Variants in TBPL1 observed in about 807,000 individuals in gnomAD.
The protein encoded by TBPL1 is TATA box-binding protein-like 1.
A neutral mutation model predicts 22.1 loss-of-function variants in TBPL1; 4 were observed. The observed-to-expected ratio is 0.18, with a 90% CI of 0.09 to 0.41. The LOEUF is 0.41. Among genes scored for constraint, TBPL1 ranks in the 10% least tolerant of loss-of-function variants. TBPL1 has a pLI of 1.00. For synonymous variants in TBPL1, 64 were observed against 71.0 expected (o/e 0.90, Z 0.50); for missense variants, 115 against 222.3 (o/e 0.52, Z 3.07).
At chr6:133,976,771 G>A (rs569030542) in intron 1 of TBPL1, among the ~76,000 whole-genome samples, 2 of 152,100 alleles carry the variant, frequency 1.3e-5, no homozygotes, top group Non-Finnish European at 2.9e-5. Context: ...AGTGGCTCAC[G>A]AAGTCAAGAG....
At chr6:133,969,177 T>A (rs977977142) in intron 1 of TBPL1, among the ~76,000 whole-genome samples, 1 of 151,904 alleles carries the variant, frequency 6.6e-6, no homozygotes, top group Admixed American at 6.6e-5. Flanking sequence ...AGAAAATCAG[T>A]ATCATTTAAA....
At chr6:133,963,759 G>A (rs569080268) in intron 1 of TBPL1, among the ~76,000 whole-genome samples, 9 of 151,864 alleles carry the variant, frequency 5.9e-5, no homozygotes, top group South Asian at 2.1e-4. Flanking sequence ...GGCCTGGCGC[G>A]GTGGCTCACG....
At chr6:133,960,302 C>G (rs779021498) in intron 1 of TBPL1, among the ~76,000 whole-genome samples, 5 of 152,126 alleles carry the variant, frequency 3.3e-5, no homozygotes, top group Non-Finnish European at 7.4e-5. Context: ...TTCTTTTGTA[C>G]TGAGGGGGGA....
At position 133,987,850 on chromosome 6, in the gene TBPL1, G is replaced by T. The variant is rs544713083; in HGVS notation, c.*810G>T. ...TATGATAGAAAATGTTAAATAACTT[G>T]TAAAGGTTAAGAAATTGTAGTTTTA... On this transcript the variant is annotated 3_prime_UTR_variant, in exon 7 of 7. Coordinates refer to ENST00000237264, the MANE Select transcript of TBPL1 (RefSeq NM_004865.4). The T allele has an allele frequency of 1.1e-4, 17 of 152,512 alleles. No individual in the cohort carries two copies. Among genetic ancestry groups the T allele is most frequent in the African/African-American group, 4.1e-4 (17 of 41,500 alleles). The allele number at this position is 152,512 out of a possible 1,614,324, so 9.4% of individuals were successfully genotyped here. A position where few individuals can be genotyped will look rare whatever the true frequency, so the allele number is the denominator to read the frequency against.
chr6:133,983,433 G>A (rs1776450877), intron 4 of TBPL1, among the ~76,000 whole-genome samples: 2 of 152,210 alleles, frequency 1.3e-5, no homozygotes, highest in African/African-American at 4.8e-5. Flanking sequence ...CTGAAGATGA[G>A]GGCAAGGCTG....
chr6:133,982,118 C>A (rs1341488835), intron 2 of TBPL1, among the ~76,000 whole-genome samples: 1 of 152,098 alleles, frequency 6.6e-6, no homozygotes, highest in Non-Finnish European at 1.5e-5. Flanking sequence ...TTAGGGAGGG[C>A]CTCTCTTCAG....
rs78436235 is a variant in TBPL1 at position 133,963,043 on chromosome 6, T to C, written c.-45+9618T>C. 3.2e-3 allele frequency among the ~76,000 whole-genome samples: 486 copies of C among 152,342 alleles called. 1 individual carries two copies. Among genetic ancestry groups the C allele is most frequent in the African/African-American group, 0.01 (423 of 41,590 alleles). On this transcript the variant is annotated intron_variant, in intron 1 of 6. Transcript: ENST00000237264. ...CTAGAGTAGGAGGGAGTTTAAAGTG[T>C]GCCATTGAATTCAGCAATGAGCCAT...
intron 6 of TBPL1, chr6:133,985,824 C>G (rs781007599): frequency 3.9e-5 from 6 of 152,122 alleles, no homozygotes; most frequent in Non-Finnish European, 8.8e-5. Flanking sequence ...TTCCCAAGAT[C>G]CCACCTGCAT....
chr6:133,982,533 T>C, intron 2 of TBPL1, 35 bp from the exon 3 acceptor site: 2 of 1,575,082 alleles, frequency 1.3e-6, no homozygotes, highest in Non-Finnish European at 1.7e-6. Flanking sequence ...TGAAAAATAA[T>C]GCTTATGAGG....
intron 1 of TBPL1, among the ~76,000 whole-genome samples, chr6:133,967,239 T>G (rs1776135683): frequency 6.6e-6 from 1 of 152,176 alleles, no homozygotes; most frequent in Non-Finnish European, 1.5e-5. Flanking sequence ...TGTTATAGAA[T>G]TGATTGAATG....
At chr6:133,977,343 T>C (rs901729454) in intron 1 of TBPL1, among the ~76,000 whole-genome samples, 41 of 152,180 alleles carry the variant, frequency 2.7e-4, no homozygotes, top group Non-Finnish European at 4.4e-5. Flanking sequence ...TTTTTAAAAT[T>C]TAAGTTGCTG....
chr6:133,955,457 C>T (rs1308776375), intron 1 of TBPL1, among the ~76,000 whole-genome samples: 4 of 151,918 alleles, frequency 2.6e-5, no homozygotes, highest in Admixed American at 6.6e-5. Context: ...ATGTGTCCTT[C>T]GCCTGCATGT....
intron 4 of TBPL1, 135 bp from the exon 5 acceptor site, chr6:133,984,241 T>TA (rs1776467622): frequency 3.2e-6 from 2 of 619,746 alleles, no homozygotes; most frequent in East Asian, 5.7e-5. Context: ...CTACACAACT[T>TA]ACAGTACTAA....
chr6:133,956,486 T>C (rs1775929676), intron 1 of TBPL1, among the ~76,000 whole-genome samples: 1 of 152,212 alleles, frequency 6.6e-6, no homozygotes, highest in Non-Finnish European at 1.5e-5. Context: ...TACTGCCTGG[T>C]ACTGTCACTA....
intron 1 of TBPL1, among the ~76,000 whole-genome samples, chr6:133,976,787 G>A (rs1362658895): frequency 6.6e-6 from 1 of 152,036 alleles, no homozygotes; most frequent in Non-Finnish European, 1.5e-5. Flanking sequence ...AAGAGTTCAA[G>A]AGCAACCTGG....
chr6:133,957,385 T>G (rs1279976515), intron 1 of TBPL1, among the ~76,000 whole-genome samples: 1 of 152,224 alleles, frequency 6.6e-6, no homozygotes, highest in Non-Finnish European at 1.5e-5. Flanking sequence ...CAGCATTGAA[T>G]TGTGCTTAGC....
Position 133,974,315 on chromosome 6 carries a change from CTTA to C in TBPL1, c.-44-5762_-44-5760del, listed in dbSNP as rs201172555. ...TATAAATAAAATTGCCATATATCAT[CTTA>C]TTATACTTTGGTCAGTTCAGTTATT... On this transcript the variant is annotated intron_variant, in intron 1 of 6. Transcript: ENST00000237264. Among the ~76,000 whole-genome samples, 846 of 152,252 alleles carry C rather than the reference CTTA, an allele frequency of 5.6e-3. 29 individuals are homozygous for C. Among genetic ancestry groups the C allele is most frequent in the Admixed American group, 0.048 (741 of 15,288 alleles).
chr6:133,982,968 T>C, intron 4 of TBPL1, 88 bp downstream of exon 4: 2 of 1,206,738 alleles, frequency 1.7e-6, no homozygotes, highest in Non-Finnish European at 1.2e-6. Flanking sequence ...AAGAAATCAC[T>C]ATGCGTACTA....
chr6:133,970,777 T>A (rs1776206393), intron 1 of TBPL1, among the ~76,000 whole-genome samples: 1 of 152,094 alleles, frequency 6.6e-6, no homozygotes, highest in South Asian at 2.1e-4. Context: ...ATTTTAAAAT[T>A]TGTTGTAGAA....
Sources: allele counts gnomAD v4.1 joint callset (sites outside exome capture counted in the v4.1 genomes callset), GRCh38; gene constraint gnomAD v4.1.1; transcripts MANE v1.5; gene names NCBI Gene and HGNC (gene_info 2026-07-23, HGNC 2026-07-21).